Variants in INTS4 observed in about 807,000 individuals in gnomAD.
INTS4 encodes MSTP093.
A neutral mutation model predicts 119.5 loss-of-function variants in INTS4; 70 were observed. That is an observed-to-expected ratio of 0.59 (90% CI 0.48 to 0.71). The LOEUF (loss-of-function observed/expected upper bound fraction) is 0.71, where lower values mean the gene tolerates loss of function less well. Ranked by LOEUF, INTS4 falls within the 30% of genes least tolerant of loss-of-function variation. The pLI is 0.00. For synonymous variants in INTS4, 316 were observed against 419.6 expected (o/e 0.75, Z 3.02); for missense variants, 867 against 1,173.2 (o/e 0.74, Z 3.81).
intron 16 of INTS4, among the ~76,000 whole-genome samples, chr11:77,905,827 C>A (rs1203960935): frequency 1.3e-5 from 2 of 152,146 alleles, no homozygotes; most frequent in African/African-American, 4.8e-5. Context: ...TTATACCTTT[C>A]CCTTTATGAC....
At chr11:77,925,107 T>A (rs998810911) in intron 11 of INTS4, among the ~76,000 whole-genome samples, 1 of 152,192 alleles carries the variant, frequency 6.6e-6, no homozygotes, top group Non-Finnish European at 1.5e-5. Flanking sequence ...TTAACCTTCC[T>A]TTTCCATCCT....
At position 77,907,079 on chromosome 11, in the gene INTS4, TTTTG is replaced by T. The variant is rs374666939; in HGVS notation, c.2016+634_2016+637del. On this transcript the variant is annotated intron_variant, in intron 16 of 22. Coordinates refer to ENST00000534064, the MANE Select transcript of INTS4 (RefSeq NM_033547.4). ...AACTTTGATGAAGTGCAGTGAGTTT[TTTTG>T]TTTGTTTGTTTGTTTGTTTTCTTTA... Among the ~76,000 whole-genome samples the T allele has an allele frequency of 2.9e-3, 435 of 152,246 alleles. 1 individual carries two copies. Among genetic ancestry groups the T allele is most frequent in the East Asian group, 3.9e-3 (20 of 5,186 alleles).
chr11:77,900,792 G>C, intron 18 of INTS4: 1 of 594,758 alleles, frequency 1.7e-6, no homozygotes, highest in Non-Finnish European at 3.0e-6. Flanking sequence ...GGCAATTCCA[G>C]TTATCTGAAA....
At chr11:77,967,435 G>A (rs923900386) in intron 4 of INTS4, among the ~76,000 whole-genome samples, 4 of 152,152 alleles carry the variant, frequency 2.6e-5, no homozygotes, top group African/African-American at 7.2e-5. Flanking sequence ...CTTCAGAAAC[G>A]TGAGCAATTT....
intron 4 of INTS4, among the ~76,000 whole-genome samples, chr11:77,977,478 A>G (rs1413649869): frequency 3.3e-5 from 5 of 151,982 alleles, no homozygotes; most frequent in African/African-American, 1.2e-4. Context: ...TTAGCAAAAA[A>G]GGAGCAAAAT....
intron 12 of INTS4, chr11:77,922,838 C>T (rs1348679139): frequency 3.4e-6 from 1 of 298,292 alleles, no homozygotes; most frequent in Non-Finnish European, 6.4e-6. Context: ...CAATCCCATT[C>T]CCATTTTCCA....
At chr11:77,927,585 G>A (rs1040004731) in intron 11 of INTS4, among the ~76,000 whole-genome samples, 4 of 152,086 alleles carry the variant, frequency 2.6e-5, no homozygotes, top group Admixed American at 1.3e-4. Context: ...ACCACCTAGA[G>A]CTGTATGGCC....
intron 8 of INTS4, among the ~76,000 whole-genome samples, chr11:77,950,857 T>G (rs562427213): frequency 4.7e-5 from 7 of 148,948 alleles, no homozygotes; most frequent in Admixed American, 4.0e-4. Context: ...TATCTCCTAA[T>G]GCTATCCCTC....
At chr11:77,975,510 T>C (rs1446644897) in intron 4 of INTS4, among the ~76,000 whole-genome samples, 4 of 152,124 alleles carry the variant, frequency 2.6e-5, no homozygotes, top group African/African-American at 4.8e-5. Flanking sequence ...AAAAAACTTT[T>C]AGGCACATTG....
chr11:77,901,104 A>C (rs1327908927), intron 18 of INTS4, among the ~76,000 whole-genome samples: 1 of 152,228 alleles, frequency 6.6e-6, no homozygotes, highest in Non-Finnish European at 1.5e-5. Context: ...CTGGCACTAA[A>C]TTCTTAAGGA....
chr11:77,913,251 T>C (rs951687276), intron 15 of INTS4, among the ~76,000 whole-genome samples: 1 of 152,148 alleles, frequency 6.6e-6, no homozygotes, highest in African/African-American at 2.4e-5. Flanking sequence ...AAAATTTGAT[T>C]TAGTTACAAA....
chr11:77,959,202 C>T (rs1565273224), intron 6 of INTS4, among the ~76,000 whole-genome samples: 1 of 152,170 alleles, frequency 6.6e-6, no homozygotes, highest in Non-Finnish European at 1.5e-5. Flanking sequence ...TTCTGTTTAC[C>T]TTGGTCTGAA....
chr11:77,960,450 C>T, intron 5 of INTS4, 59 bp from the exon 6 acceptor site: 1 of 1,244,046 alleles, frequency 8.0e-7, no homozygotes, highest in South Asian at 1.3e-5. Context: ...TTTCCAATGT[C>T]TCCCCACAAT....
At chr11:77,920,250 C>CATAT (rs374626220) in intron 14 of INTS4, among the ~76,000 whole-genome samples, 2 of 127,322 alleles carry the variant, frequency 1.6e-5, no homozygotes, top group Non-Finnish European at 3.3e-5. Flanking sequence ...CATATATATA[C>CATAT]ATATATACAT....
At chr11:77,884,531 T>A (rs1483863766) in intron 21 of INTS4, among the ~76,000 whole-genome samples, 1 of 152,152 alleles carries the variant, frequency 6.6e-6, no homozygotes, top group Non-Finnish European at 1.5e-5. Context: ...CCTACTATAC[T>A]GCAGCGCACA....
intron 19 of INTS4, among the ~76,000 whole-genome samples, chr11:77,893,306 AAGTGTAAGAAC>A (rs1248550153): frequency 1.3e-5 from 2 of 152,212 alleles, no homozygotes; most frequent in African/African-American, 4.8e-5. Flanking sequence ...AGAAATATGC[AAGTGTAAGAAC>A]AGTGTGGGCC....
intron 17 of INTS4, among the ~76,000 whole-genome samples, chr11:77,902,154 G>A (rs17752280): frequency 0.062 from 9,394 of 152,166 alleles, 408 homozygotes; most frequent in South Asian, 0.12. Context: ...CTAGGGTCAC[G>A]GAAATGACTC....
At position 77,939,851 on chromosome 11, in the gene INTS4, A is replaced by AC. The variant is rs1166432446; in HGVS notation, c.991-1027_991-1026insG. ...CAGAGCGAGACCCTGTCTCAAACAAAAAAAAAAAACAAAACAAACAAACAA... is the reference window on the plus strand; with the variant it reads ...CAGAGCGAGACCCTGTCTCAAACAAACAAAAAAAAACAAAACAAACAAACAA... On this transcript the variant is annotated intron_variant, in intron 9 of 22. Coordinates refer to ENST00000534064, the MANE Select transcript of INTS4 (RefSeq NM_033547.4). Among the ~76,000 whole-genome samples the AC allele has an allele frequency of 7.9e-5, 12 of 151,858 alleles. No homozygotes were observed. In the East Asian group the frequency reaches 1.2e-3, roughly 15 times the overall value.
At chr11:77,956,367 C>T (rs1954320700) in intron 7 of INTS4, among the ~76,000 whole-genome samples, 2 of 152,170 alleles carry the variant, frequency 1.3e-5, no homozygotes, top group Admixed American at 6.5e-5. Context: ...GCTGAGATCA[C>T]ACCACGGCAC....
Sources: allele counts gnomAD v4.1 joint callset (sites outside exome capture counted in the v4.1 genomes callset), GRCh38; gene constraint gnomAD v4.1.1; transcripts MANE v1.5; gene names NCBI Gene and HGNC (gene_info 2026-07-23, HGNC 2026-07-21).